The following PLGRKT variants were observed in gnomAD, a reference collection of about 807,000 sequenced individuals.
The protein encoded by PLGRKT is plasminogen receptor with a C-terminal lysine.
A neutral mutation model predicts 18.5 loss-of-function variants in PLGRKT; 22 were observed. That is an observed-to-expected ratio of 1.19 (90% CI 0.85 to 1.70). PLGRKT has a LOEUF of 1.70. PLGRKT is among the 40% of genes most tolerant of loss of function. The probability of loss-of-function intolerance (pLI) is 0.00; values close to 1 mark genes in which losing one functional copy is unlikely to be tolerated. For synonymous variants in PLGRKT, 72 were observed against 52.8 expected (o/e 1.36, Z -1.58); for missense variants, 235 against 174.4 (o/e 1.35, Z -1.96).
chr9:5,437,488 T>A (rs1293309957), intron 1 of PLGRKT: 2 of 152,226 alleles, frequency 1.3e-5, no homozygotes, highest in Non-Finnish European at 2.9e-5. Flanking sequence ...GTTACTGTAA[T>A]TTAGGTATTC....
intron 3 of PLGRKT, among the ~76,000 whole-genome samples, chr9:5,408,262 G>T (rs534800653): frequency 6.6e-6 from 1 of 152,318 alleles, no homozygotes; most frequent in East Asian, 1.9e-4. Context: ...GAATGGTTGT[G>T]ACCCAAATGC....
At chr9:5,411,201 T>C (rs545607005) in intron 3 of PLGRKT, among the ~76,000 whole-genome samples, 17 of 151,888 alleles carry the variant, frequency 1.1e-4, no homozygotes, top group African/African-American at 2.2e-4. Context: ...CTGGCCAATA[T>C]GGTGAAACCC....
intron 3 of PLGRKT, among the ~76,000 whole-genome samples, chr9:5,373,978 C>T (rs549206018): frequency 6.6e-6 from 1 of 152,252 alleles, no homozygotes; most frequent in East Asian, 1.9e-4. Context: ...CATATTTGTT[C>T]ACTTTCCCCC....
At chr9:5,410,959 AC>A (rs1157010345) in intron 3 of PLGRKT, among the ~76,000 whole-genome samples, 16 of 152,254 alleles carry the variant, frequency 1.1e-4, no homozygotes, top group African/African-American at 3.1e-4. Context: ...ATATGGCTAA[AC>A]AAAATGGGTA....
rs190882778 is a variant in PLGRKT at position 5,399,703 on chromosome 9, C to T, written c.81+32194G>A. 2.8e-4 allele frequency among the ~76,000 whole-genome samples: 42 copies of T among 151,662 alleles called. 2 individuals carry two copies. The East Asian group carries it at 6.0e-3, about 22-fold the overall frequency. On this transcript the variant is annotated intron_variant, in intron 3 of 5. Transcript: ENST00000223864. Reference sequence around the variant, plus strand: ...ATAAGCAAAATATGGAATTAAAATACGCAGGCCAGGCACGGTGGCTCATGC... The same window carrying T: ...ATAAGCAAAATATGGAATTAAAATATGCAGGCCAGGCACGGTGGCTCATGC...
chr9:5,410,766 TGGCCTGTACCACAGAGAAA>T (rs974786738), intron 3 of PLGRKT, among the ~76,000 whole-genome samples: 1 of 152,210 alleles, frequency 6.6e-6, no homozygotes, highest in Non-Finnish European at 1.5e-5. Context: ...TACAGGTTTA[TGGCCTGTACCACAGAGAAA>T]GATTAGAAAT....
intron 3 of PLGRKT, among the ~76,000 whole-genome samples, chr9:5,369,880 T>C (rs1052295794): frequency 2.0e-5 from 3 of 151,530 alleles, no homozygotes; most frequent in South Asian, 4.2e-4. Context: ...TATGTGGGAG[T>C]TGAACAATGA....
At chr9:5,389,912 C>A (rs1414125004) in intron 3 of PLGRKT, among the ~76,000 whole-genome samples, 1 of 151,752 alleles carries the variant, frequency 6.6e-6, no homozygotes, top group African/African-American at 2.4e-5. Flanking sequence ...CCTGAACTGC[C>A]AGGAGAAATA....
At chr9:5,415,773 A>T (rs1586736901) in intron 3 of PLGRKT, among the ~76,000 whole-genome samples, 1 of 152,130 alleles carries the variant, frequency 6.6e-6, no homozygotes, top group East Asian at 1.9e-4. Context: ...CAAAGTAAGA[A>T]ATTCTACTAA....
Position 5,418,863 on chromosome 9 carries a change from GA to G in PLGRKT, c.81+13033del. 9.6e-7 allele frequency: 1 copy of G among 1,040,004 alleles called. No homozygotes were observed. The highest frequency in any genetic ancestry group is 1.5e-6 in the Non-Finnish European group (1 of 669,352). The allele number at this position is 1,040,004 out of a possible 1,614,324, so 64.4% of individuals were successfully genotyped here. ...CCTTCTGGCTGGTCCTCGTCTGCTG[GA>G]GGCAAACTGAACAGCAGGTGTGCTT... On this transcript the variant is annotated intron_variant, in intron 3 of 5. Transcript: ENST00000223864. This position sits in a 1 kb window ranked among gnomAD's most constrained non-coding sequence, Gnocchi z 4.2.
chr9:5,423,272 T>G (rs1185135181), intron 3 of PLGRKT, among the ~76,000 whole-genome samples: 1 of 152,204 alleles, frequency 6.6e-6, no homozygotes, highest in African/African-American at 2.4e-5. Context: ...TAGCTCCTAA[T>G]TCAACTGGCA....
intron 3 of PLGRKT, among the ~76,000 whole-genome samples, chr9:5,421,907 T>C (rs1818582693): frequency 6.6e-6 from 1 of 152,180 alleles, no homozygotes; most frequent in Non-Finnish European, 1.5e-5. Context: ...CTACAACTGA[T>C]TAAAGAGTTT....
At chr9:5,372,640 C>T (rs1199379062) in intron 3 of PLGRKT, among the ~76,000 whole-genome samples, 1 of 152,200 alleles carries the variant, frequency 6.6e-6, no homozygotes, top group Non-Finnish European at 1.5e-5. Context: ...ATTGAAATGT[C>T]ACCTCTGCTA....
chr9:5,373,486 C>A (rs1048603374), intron 3 of PLGRKT, among the ~76,000 whole-genome samples: 1 of 152,144 alleles, frequency 6.6e-6, no homozygotes, highest in Non-Finnish European at 1.5e-5. Flanking sequence ...TGGGAAAGAC[C>A]AGGTCAAGCT....
At chr9:5,395,807 T>C (rs997492447) in intron 3 of PLGRKT, among the ~76,000 whole-genome samples, 4 of 128,332 alleles carry the variant, frequency 3.1e-5, no homozygotes, top group Non-Finnish European at 6.3e-5. Context: ...CATGGAAACA[T>C]TGACAAAAAA....
At chr9:5,380,698 G>A (rs1817725513) in intron 3 of PLGRKT, among the ~76,000 whole-genome samples, 1 of 152,046 alleles carries the variant, frequency 6.6e-6, no homozygotes, top group Non-Finnish European at 1.5e-5. Flanking sequence ...GCTCCATGAG[G>A]GCAAAGTATC....
At chr9:5,433,288 G>C (rs1485194073) in intron 2 of PLGRKT, among the ~76,000 whole-genome samples, 3 of 150,682 alleles carry the variant, frequency 2.0e-5, no homozygotes, top group Admixed American at 2.0e-4. Context: ...AGTAAGGAGT[G>C]TCTCTGCCTG....
At chr9:5,425,664 C>T (rs1182411427) in intron 3 of PLGRKT, among the ~76,000 whole-genome samples, 2 of 152,086 alleles carry the variant, frequency 1.3e-5, no homozygotes, top group Non-Finnish European at 2.9e-5. Flanking sequence ...AAAATAACAA[C>T]TCTGTGAAGG....
intron 3 of PLGRKT, among the ~76,000 whole-genome samples, chr9:5,423,999 GTATT>G (rs1818628086): frequency 7.5e-6 from 1 of 133,562 alleles, no homozygotes; most frequent in Non-Finnish European, 1.6e-5. Flanking sequence ...TAATATATAT[GTATT>G]TATTTCATCT....
Sources: allele counts gnomAD v4.1 joint callset (sites outside exome capture counted in the v4.1 genomes callset), GRCh38; gene constraint gnomAD v4.1.1; non-coding constraint Gnocchi (gnomAD v3.1); transcripts MANE v1.5; gene names NCBI Gene and HGNC (gene_info 2026-07-23, HGNC 2026-07-21).